The following TRANK1 variants were observed in gnomAD, a reference collection of about 807,000 sequenced individuals.
TRANK1 encodes the protein TPR and ankyrin repeat-containing protein 1.
TRANK1 carries 198 observed loss-of-function variants against 266.0 expected under a neutral mutation model. That is an observed-to-expected ratio of 0.74 (90% CI 0.66 to 0.84). TRANK1 has a LOEUF of 0.84. TRANK1 is among the 40% of genes least tolerant of loss of function. TRANK1 has a pLI of 0.00. For synonymous variants in TRANK1, 1,396 were observed against 1,384.1 expected (o/e 1.01, Z -0.19); for missense variants, 3,326 against 3,634.6 (o/e 0.92, Z 2.18).
At chr3:36,916,961 G>A (rs1009955896) in intron 1 of TRANK1, among the ~76,000 whole-genome samples, 1 of 151,948 alleles carries the variant, frequency 6.6e-6, no homozygotes, top group African/African-American at 2.4e-5. Flanking sequence ...GATTACAGAT[G>A]TACACCACCA....
At chr3:36,834,693 C>G (rs920300712) in intron 21 of TRANK1, 69 bp downstream of exon 21, 1 of 1,546,856 alleles carries the variant, frequency 6.5e-7, no homozygotes, top group African/African-American at 1.4e-5. Context: ...TAGCACCACC[C>G]AGAGCAGGCT....
intron 7 of TRANK1, among the ~76,000 whole-genome samples, chr3:36,890,970 T>C (rs977417318): frequency 6.6e-6 from 1 of 152,220 alleles, no homozygotes; most frequent in Non-Finnish European, 1.5e-5. Flanking sequence ...CACTTGAAAC[T>C]GGGAGGATTA....
At position 36,939,136 on chromosome 3, in the gene TRANK1, C is replaced by CATAAATAA. The variant is rs59866169; in HGVS notation, c.23+5643_23+5650dup. On this transcript the variant is annotated intron_variant, in intron 1 of 23. Transcript: ENST00000645898. ...TGGGCAACAGAGCGAAACCCTGTCT[C>CATAAATAA]ATAAATAAATAAATAAATAAATAAC... is the stretch of plus-strand genomic sequence containing the variant. 3.1e-3 allele frequency among the ~76,000 whole-genome samples: 470 copies of CATAAATAA among 151,190 alleles called. 4 individuals are homozygous for CATAAATAA. The highest frequency in any genetic ancestry group is 0.011 in the African/African-American group (435 of 40,904).
At chr3:36,845,019 T>C (rs1251272317) in intron 17 of TRANK1, among the ~76,000 whole-genome samples, 1 of 151,916 alleles carries the variant, frequency 6.6e-6, no homozygotes, top group Non-Finnish European at 1.5e-5. Flanking sequence ...TTCACTTCGT[T>C]AGGTAGCCTT....
At chr3:36,885,279 T>C (rs2079586613) in intron 8 of TRANK1, among the ~76,000 whole-genome samples, 1 of 152,216 alleles carries the variant, frequency 6.6e-6, no homozygotes, top group Admixed American at 6.5e-5. Context: ...TACAAAATCA[T>C]TTCTGTAATA....
chr3:36,890,399 C>T (rs2079672022), intron 7 of TRANK1, among the ~76,000 whole-genome samples: 1 of 152,164 alleles, frequency 6.6e-6, no homozygotes, highest in Admixed American at 6.5e-5. Context: ...CTGGAGCCAC[C>T]TTGAGGCACT....
In TRANK1 at chr3:36,892,987, G is replaced by A. The variant is rs983275100; in HGVS notation, c.553-3C>T. The A allele has an allele frequency of 8.0e-6, 12 of 1,498,704 alleles. No homozygotes were observed. Among genetic ancestry groups the A allele is most frequent in the East Asian group, 2.5e-5 (1 of 39,988 alleles). 92.8% of individuals were successfully genotyped at this position (1,498,704 alleles called of 1,614,324 possible). On this transcript the variant is annotated splice_region_variant and splice_polypyrimidine_tract_variant and intron_variant, in intron 5 of 23. Coordinates refer to ENST00000645898, the MANE Select transcript of TRANK1 (RefSeq NM_001329998.2). Reference sequence around the variant, plus strand: ...TTTGCTGACAGAAGCAGAAATGACTGGTGGGAGAAGACAGAAAAGGCTGGA... The same window carrying A: ...TTTGCTGACAGAAGCAGAAATGACTAGTGGGAGAAGACAGAAAAGGCTGGA...
rs144491524 is a variant in TRANK1 at position 36,894,960 on chromosome 3, G to A, written c.552+680C>T. Among the ~76,000 whole-genome samples, 86 of 152,290 alleles carry A rather than the reference G, an allele frequency of 5.6e-4. No homozygotes were observed. The East Asian group carries it at 0.016, about 28-fold the overall frequency. On this transcript the variant is annotated intron_variant, in intron 5 of 23. Transcript: ENST00000645898. ...TATAAAACCCCTCAGCTCAATGCCT[G>A]GCACTGTAAACCTTCCACAAACATT...
At position 36,922,280 on chromosome 3, in the gene TRANK1, T is replaced by C. The variant is rs536414047; in HGVS notation, c.24-13826A>G. 3.3e-3 allele frequency among the ~76,000 whole-genome samples: 510 copies of C among 152,320 alleles called. 2 individuals are homozygous for C. The South Asian group carries it at 0.037, about 11-fold the overall frequency. ...CAATGTGGTAACCACACATGGCTAT[T>C]TACATTTTAATTTAACTAAAATTAA... is the stretch of plus-strand genomic sequence containing the variant. On this transcript the variant is annotated intron_variant, in intron 1 of 23. Coordinates refer to ENST00000645898, the MANE Select transcript of TRANK1 (RefSeq NM_001329998.2).
At position 36,889,919 on chromosome 3, in the gene TRANK1, C is replaced by A. The variant is rs199707142; in HGVS notation, c.817G>T (p.Glu273Ter). The change falls in exon 8 of 24, where the codon GAG becomes TAG. Residue 273 changes from glutamate (E) to a stop codon, truncating the protein, a stop_gained. Transcript: ENST00000645898. LOFTEE classifies it high-confidence loss of function. ...TTCTGGTTAATGCGGCCTTTCCACT[C>A]GGGCTTGTGATCCATTAACCACCGG... ...LFRWLMDHKP[E>*]WKGRINQKDG... 2 of 1,537,208 alleles carry A rather than the reference C, an allele frequency of 1.3e-6. No homozygotes were observed. Among genetic ancestry groups the A allele is most frequent in the Non-Finnish European group, 1.7e-6 (2 of 1,146,896 alleles).
At chr3:36,903,473 C>T (rs1384029589) in intron 2 of TRANK1, among the ~76,000 whole-genome samples, 198 bp from the exon 3 acceptor site, 1 of 152,260 alleles carries the variant, frequency 6.6e-6, no homozygotes, top group Non-Finnish European at 1.5e-5. Context: ...TCCTTCCTCA[C>T]TCCCAAATAC....
In TRANK1 at chr3:36,857,235, G is replaced by T; in HGVS notation, c.2487C>A (p.Phe829Leu). 1 of 1,613,378 alleles carries T rather than the reference G, an allele frequency of 6.2e-7. No homozygotes were observed. ...ACTCGATCTCCCAGGTCATGTTATC[G>T]AAGTCCTGGAGGCAGGCCTCAATCT... is the stretch of plus-strand genomic sequence containing the variant. ...TQEIEACLQD[F>L]DNMTWEIECT... Residue 829 changes from phenylalanine to leucine, a missense_variant, in exon 13 of 24, where the codon TTC becomes TTA. Phe to Leu is a conservative substitution (Grantham distance 22). Coordinates refer to ENST00000645898, the MANE Select transcript of TRANK1 (RefSeq NM_001329998.2). The surrounding 1 kb of genome is among the most constrained non-coding windows in gnomAD (Gnocchi z 4.3).
rs1197448370 is a variant in TRANK1, at chr3:36,842,717, T to C, written c.5192-7A>G. 5 of 1,612,938 alleles carry C rather than the reference T, an allele frequency of 3.1e-6. No homozygotes were observed. The South Asian group carries it at 4.4e-5, about 14-fold the overall frequency. ...AACATGCTATCATCAAAGTCTAAAA[T>C]GAGAAAGAAAAGTGTGTTTGCTTCT... On this transcript the variant is annotated splice_region_variant and splice_polypyrimidine_tract_variant and intron_variant, in intron 17 of 23. Transcript: ENST00000645898.
In TRANK1 at chr3:36,857,903, C is replaced by T. The variant is rs373399207; in HGVS notation, c.1819G>A (p.Val607Met). 2.4e-5 allele frequency: 39 copies of T among 1,610,162 alleles called. No individual in the cohort carries two copies. Among genetic ancestry groups the T allele is most frequent in the East Asian group, 8.9e-5 (4 of 44,908 alleles). The change falls in exon 13 of 24, where the codon GTG (valine) becomes ATG (methionine). Residue 607 changes from valine (V) to methionine (M), a missense_variant. By Grantham distance (21) the Val-to-Met change is conservative (BLOSUM62 1). Transcript: ENST00000645898. This position sits in a 1 kb window ranked among gnomAD's most constrained non-coding sequence, Gnocchi z 4.3. ...ILFQKGMLKR[V>M]KKLLDLLVKF... ...ACCAGCAGGTCTAACAGCTTCTTCA[C>T]GCGCTTTAGCATGCCCTTCTGGAAG... is the stretch of plus-strand genomic sequence containing the variant.
rs763450221 is a variant in TRANK1, at chr3:36,832,826, T to TTTCTTTAAGTTCTTCAAG, written c.6756_6757insCTTGAAGAACTTAAAGAA (p.Glu2252_Ile2253insLeuGluGluLeuLysGlu). On this transcript the variant is annotated inframe_insertion, in exon 22 of 24. Coordinates refer to ENST00000645898, the MANE Select transcript of TRANK1 (RefSeq NM_001329998.2). The stretch of plus-strand genomic sequence containing the variant: ...ATATCTGTAGACAAAATATAATCAA[T>TTTCTTTAAGTTCTTCAAG]TTCTTTAAGTTCTTCTGCTAAGATT... 9 of 1,613,814 alleles carry TTTCTTTAAGTTCTTCAAG rather than the reference T, an allele frequency of 5.6e-6. No individual in the cohort carries two copies. The Admixed American group carries it at 1.5e-4, about 27-fold the overall frequency.
intron 18 of TRANK1, among the ~76,000 whole-genome samples, chr3:36,841,332 G>C (rs2078841098): frequency 1.3e-5 from 2 of 152,228 alleles, no homozygotes; most frequent in Admixed American, 1.3e-4. Context: ...TAGAAAGAAA[G>C]ATGGTGATCT....
intron 2 of TRANK1, among the ~76,000 whole-genome samples, chr3:36,905,281 A>C (rs1461043656): frequency 1.4e-4 from 19 of 137,622 alleles, no homozygotes; most frequent in Non-Finnish European, 1.9e-4. Context: ...ACAGAGCAAG[A>C]CTCTGTCTCA....
chr3:36,881,935 G>A (rs2079538235), intron 8 of TRANK1, among the ~76,000 whole-genome samples: 1 of 152,096 alleles, frequency 6.6e-6, no homozygotes, highest in African/African-American at 2.4e-5. Context: ...CCTTTTTATG[G>A]TTGAATAATA....
intron 9 of TRANK1, among the ~76,000 whole-genome samples, chr3:36,871,452 C>T (rs2079309264): frequency 6.6e-6 from 1 of 152,150 alleles, no homozygotes; most frequent in South Asian, 2.1e-4. Context: ...TCTTCTTTTG[C>T]CATTATTTTA....
Sources: allele counts gnomAD v4.1 joint callset (sites outside exome capture counted in the v4.1 genomes callset), GRCh38; gene constraint gnomAD v4.1.1; non-coding constraint Gnocchi (gnomAD v3.1); transcripts MANE v1.5; gene names NCBI Gene and HGNC (gene_info 2026-07-23, HGNC 2026-07-21).